TMEFF2: variants seen among roughly 807,000 people sequenced by gnomAD.
The protein encoded by TMEFF2 is transmembrane protein with EGF like and two follistatin like domains 2, also known as tomoregulin-2.
A neutral mutation model predicts 53.8 loss-of-function variants in TMEFF2; 28 were observed. That is an observed-to-expected ratio of 0.52 (90% confidence interval 0.39 to 0.71). The LOEUF is 0.71. Ranked by LOEUF, TMEFF2 falls within the 30% of genes least tolerant of loss-of-function variation. TMEFF2 has a pLI of 0.00. For synonymous variants in TMEFF2, 162 were observed against 166.3 expected, an observed-to-expected ratio of 0.97 and a Z score of 0.20; for missense variants, 353 against 455.2, an observed-to-expected ratio of 0.78 and a Z score of 2.04.
At chr2:192,090,390 C>G (rs1688764015) in intron 4 of TMEFF2, among the ~76,000 whole-genome samples, 1 of 152,132 alleles carries the variant, frequency 6.6e-6, no homozygotes, top group Non-Finnish European at 1.5e-5. Context: ...CTAGTCCATT[C>G]ATAAAGTCCT....
chr2:192,036,262 C>A (rs1408920466), intron 5 of TMEFF2: 1 of 152,120 alleles, frequency 6.6e-6, no homozygotes. Flanking sequence ...CCAGAAGTAC[C>A]AATGTGATTG....
chr2:191,962,816 C>T (rs1692311543), intron 7 of TMEFF2, among the ~76,000 whole-genome samples: 1 of 152,120 alleles, frequency 6.6e-6, no homozygotes. Context: ...CTCGGCAATG[C>T]CCTGCCTGGC....
chr2:192,109,947 T>A (rs1388469207), intron 4 of TMEFF2, among the ~76,000 whole-genome samples: 1 of 151,956 alleles, frequency 6.6e-6, no homozygotes, highest in Non-Finnish European at 1.5e-5. Context: ...GATCATAAAG[T>A]CATAGGTATG....
chr2:192,041,557 T>C (rs1444369854), intron 5 of TMEFF2, among the ~76,000 whole-genome samples: 1 of 152,206 alleles, frequency 6.6e-6, no homozygotes, highest in African/African-American at 2.4e-5. Context: ...AGTCTGGCCC[T>C]TCCTCAAAAA....
chr2:192,078,009 T>TAAAG (rs1418526574), intron 4 of TMEFF2, among the ~76,000 whole-genome samples: 2 of 152,132 alleles, frequency 1.3e-5, no homozygotes, highest in Non-Finnish European at 2.9e-5. Flanking sequence ...ATTTAAACTG[T>TAAAG]ACTATAGTCT....
intron 7 of TMEFF2, among the ~76,000 whole-genome samples, chr2:191,986,908 C>T (rs1685991520): frequency 1.3e-5 from 2 of 149,168 alleles, no homozygotes; most frequent in South Asian, 4.3e-4. Context: ...GATGAAATGA[C>T]TGAGCTGGTG....
chr2:192,109,272 T>C (rs976584071), intron 4 of TMEFF2, among the ~76,000 whole-genome samples: 2 of 152,094 alleles, frequency 1.3e-5, no homozygotes, highest in Non-Finnish European at 2.9e-5. Context: ...TTATGGATCC[T>C]TTATTGATTT....
intron 4 of TMEFF2, among the ~76,000 whole-genome samples, chr2:192,142,670 T>C (rs1447418246): frequency 2.0e-5 from 3 of 152,164 alleles, no homozygotes; most frequent in Non-Finnish European, 4.4e-5. Context: ...ATGCAGGTAC[T>C]GATAGGAAGG....
At chr2:192,143,681 ATTTCCTGATTTC>A (rs1385641716) in intron 4 of TMEFF2, among the ~76,000 whole-genome samples, 3 of 152,120 alleles carry the variant, frequency 2.0e-5, no homozygotes, top group East Asian at 3.9e-4. Context: ...TACATTCATC[ATTTCCTGATTTC>A]TTTCTTTCTG....
chr2:192,110,720 ATG>A (rs758888640), intron 4 of TMEFF2, among the ~76,000 whole-genome samples: 2 of 152,142 alleles, frequency 1.3e-5, no homozygotes, highest in Non-Finnish European at 2.9e-5. Flanking sequence ...TCTTGTTAAG[ATG>A]TGTGTTTGTT....
At chr2:192,182,709 A>G (rs1691215755) in intron 3 of TMEFF2, among the ~76,000 whole-genome samples, 1 of 152,006 alleles carries the variant, frequency 6.6e-6, no homozygotes, top group South Asian at 2.1e-4. Flanking sequence ...CTATTGTTAG[A>G]AAAGAACAGA....
chr2:192,169,508 T>G (rs1233368360), intron 4 of TMEFF2, among the ~76,000 whole-genome samples: 3 of 152,120 alleles, frequency 2.0e-5, no homozygotes, highest in African/African-American at 7.2e-5. Context: ...GACTAATTTT[T>G]ATCCTAAGGA....
chr2:192,129,067 C>T (rs888897191), intron 4 of TMEFF2, among the ~76,000 whole-genome samples: 4 of 152,132 alleles, frequency 2.6e-5, no homozygotes, highest in Non-Finnish European at 5.9e-5. Context: ...AATCTTAACA[C>T]CCCCTGGCCT....
chr2:192,001,837 G>A (rs1686370851), intron 5 of TMEFF2, among the ~76,000 whole-genome samples: 1 of 152,028 alleles, frequency 6.6e-6, no homozygotes, highest in East Asian at 1.9e-4. Flanking sequence ...TTTGTAAATT[G>A]CCCAGTCTTG....
At chr2:191,975,807 T>G (rs1223469722) in intron 7 of TMEFF2, among the ~76,000 whole-genome samples, 1 of 152,186 alleles carries the variant, frequency 6.6e-6, no homozygotes, top group Non-Finnish European at 1.5e-5. Flanking sequence ...GAAGTATGCC[T>G]AGCAGAGGAA....
At chr2:192,088,265 G>A (rs1688711368) in intron 4 of TMEFF2, among the ~76,000 whole-genome samples, 2 of 152,074 alleles carry the variant, frequency 1.3e-5, no homozygotes, top group South Asian at 4.1e-4. Flanking sequence ...TCCATGAAGG[G>A]ATGTAGAAGA....
chr2:192,123,397 CT>C (rs1372966936), intron 4 of TMEFF2, among the ~76,000 whole-genome samples: 4 of 152,006 alleles, frequency 2.6e-5, no homozygotes, highest in African/African-American at 9.7e-5. Context: ...ACAATTAAAA[CT>C]GAGTGAACCA....
At chr2:192,184,051 T>C (rs1270518866) in intron 3 of TMEFF2, among the ~76,000 whole-genome samples, 2 of 152,082 alleles carry the variant, frequency 1.3e-5, no homozygotes, top group African/African-American at 4.8e-5. Flanking sequence ...ATTTGGCACG[T>C]TGGCAGTCTA....
intron 7 of TMEFF2, among the ~76,000 whole-genome samples, chr2:191,967,682 T>C (rs189672148): frequency 1.3e-5 from 2 of 152,292 alleles, no homozygotes; most frequent in African/African-American, 4.8e-5. Context: ...GATGCTAGGC[T>C]TTCCTGCACC....
Sources: allele counts gnomAD v4.1 joint callset (sites outside exome capture counted in the v4.1 genomes callset), GRCh38; gene constraint gnomAD v4.1.1; transcripts MANE v1.5; gene names NCBI Gene and HGNC (gene_info 2026-07-23, HGNC 2026-07-21).